VMP1: variants seen among roughly 807,000 people sequenced by gnomAD.
VMP1 encodes the protein vacuole membrane protein 1.
VMP1 carries 11 observed loss-of-function variants against 56.0 expected under a neutral mutation model. The observed-to-expected ratio is 0.20, with a 90% confidence interval of 0.12 to 0.32. VMP1 has a LOEUF of 0.32. Ranked by LOEUF, VMP1 falls within the 10% of genes least tolerant of loss-of-function variation. The pLI, the probability that VMP1 is intolerant of heterozygous loss-of-function variation, is 1.00. For synonymous variants in VMP1, 149 were observed against 165.0 expected (o/e 0.90, Z 0.74); for missense variants, 296 against 490.3 (o/e 0.60, Z 3.74).
intron 1 of VMP1, among the ~76,000 whole-genome samples, chr17:59,710,806 C>T (rs1047724070): frequency 4.6e-5 from 7 of 152,106 alleles, no homozygotes; most frequent in African/African-American, 1.4e-4. Context: ...CGCCGTGGCT[C>T]ACGCCTGTAA....
At chr17:59,789,996 T>C (rs373601272) in intron 7 of VMP1, among the ~76,000 whole-genome samples, 1 of 151,776 alleles carries the variant, frequency 6.6e-6, no homozygotes, top group African/African-American at 2.4e-5. Flanking sequence ...CACGCCACCA[T>C]GCCCGGCTGT....
At position 59,735,326 on chromosome 17, in the gene VMP1, A is replaced by G; in HGVS notation, c.77-12A>G. 3 of 1,613,458 alleles carry G rather than the reference A, an allele frequency of 1.9e-6. No individual in the cohort carries two copies. Among genetic ancestry groups the G allele is most frequent in the Non-Finnish European group, 2.5e-6 (3 of 1,179,742 alleles). ...GAAATTCTGTTTTAATCTCTGCACT[A>G]TTGTTTTTCAGACCCCTCTTCAGTG... is the stretch of plus-strand genomic sequence containing the variant. On this transcript the variant is annotated splice_polypyrimidine_tract_variant and intron_variant, in intron 2 of 11. Coordinates refer to ENST00000262291, the MANE Select transcript of VMP1 (RefSeq NM_030938.5).
chr17:59,794,979 A>C (rs1256927001), intron 7 of VMP1, among the ~76,000 whole-genome samples: 1 of 149,626 alleles, frequency 6.7e-6, no homozygotes, highest in Admixed American at 6.9e-5. Context: ...CGTTGGCACT[A>C]AAAGGCAGAT....
chr17:59,801,350 A>G (rs1233887764), intron 7 of VMP1, among the ~76,000 whole-genome samples: 1 of 150,934 alleles, frequency 6.6e-6, no homozygotes, highest in Admixed American at 6.6e-5. Flanking sequence ...GGCTCTGGCA[A>G]TCCTCCTGCC....
In VMP1 at chr17:59,765,122, T is replaced by C. The variant is rs776959881; in HGVS notation, c.566T>C (p.Ile189Thr). 16 of 1,612,640 alleles carry C rather than the reference T, an allele frequency of 9.9e-6. No individual in the cohort carries two copies. In the East Asian group the frequency reaches 3.1e-4, roughly 31 times the overall value. The change falls in exon 6 of 12, where the codon ATT becomes ACT. Residue 189 changes from isoleucine (I) to threonine (T), a missense_variant. Ile to Thr is a moderately conservative substitution (Grantham distance 89). Transcript: ENST00000262291. ...SLWSIISKVR[I>T]EACMWGIGTA... ...TGGAGTATCATCTCAAAAGTTAGGA[T>C]TGAAGCCTGCATGTGGGTAAGATAT...
chr17:59,824,955 G>A (rs910938850), intron 10 of VMP1, among the ~76,000 whole-genome samples: 4 of 151,866 alleles, frequency 2.6e-5, no homozygotes, highest in African/African-American at 9.7e-5. Flanking sequence ...GAGGCAGATG[G>A]ATTGGTTGAA....
chr17:59,723,940 TA>T (rs1375997668), intron 1 of VMP1, among the ~76,000 whole-genome samples: 2 of 152,096 alleles, frequency 1.3e-5, no homozygotes, highest in Non-Finnish European at 2.9e-5. Flanking sequence ...CAGGGCTGGA[TA>T]TGGTTCATGC....
At chr17:59,766,543 T>G (rs1191360291) in intron 6 of VMP1, among the ~76,000 whole-genome samples, 1 of 152,198 alleles carries the variant, frequency 6.6e-6, no homozygotes, top group Non-Finnish European at 1.5e-5. Flanking sequence ...AGAACTCATT[T>G]CATTTTCTGA....
At chr17:59,739,841 C>T (rs1419549967) in intron 5 of VMP1, among the ~76,000 whole-genome samples, 8 of 150,732 alleles carry the variant, frequency 5.3e-5, no homozygotes, top group African/African-American at 1.7e-4. Flanking sequence ...TTTGGGAGGC[C>T]GAGGCAGGCG....
chr17:59,789,182 C>T (rs1330395119), intron 7 of VMP1, among the ~76,000 whole-genome samples: 1 of 149,030 alleles, frequency 6.7e-6, no homozygotes, highest in Admixed American at 6.7e-5. Context: ...CCCAGCTACT[C>T]TGGAGGCTGA....
intron 10 of VMP1, among the ~76,000 whole-genome samples, chr17:59,821,539 CTTTTTT>C (rs530907168): frequency 0.48 from 50,411 of 104,524 alleles, 10,107 homozygotes; most frequent in Non-Finnish European, 0.57. Flanking sequence ...AGCTACTTTT[CTTTTTT>C]TTTTTTTTTT....
At chr17:59,837,624 A>G (rs1424338415) in intron 10 of VMP1, 1 of 152,234 alleles carries the variant, frequency 6.6e-6, no homozygotes, top group Non-Finnish European at 1.5e-5. Flanking sequence ...AAACCATGAA[A>G]GGATTCAAAG....
chr17:59,788,637 T>TC (rs1328182922), intron 7 of VMP1, among the ~76,000 whole-genome samples: 1 of 151,926 alleles, frequency 6.6e-6, no homozygotes, highest in African/African-American at 2.4e-5. Context: ...AAACCCCGTC[T>TC]CTACTAAAAC....
At chr17:59,802,815 C>T (rs574834000) in intron 7 of VMP1, among the ~76,000 whole-genome samples, 279 of 152,342 alleles carry the variant, frequency 1.8e-3, no homozygotes, top group Admixed American at 2.5e-3. Context: ...GGCACGATCT[C>T]GGCTCACCAC....
intron 7 of VMP1, among the ~76,000 whole-genome samples, chr17:59,780,099 C>T (rs1304296252): frequency 1.3e-5 from 2 of 152,062 alleles, no homozygotes; most frequent in Non-Finnish European, 2.9e-5. Context: ...TTCTTTGAGT[C>T]GTGGAAACCA....
rs530651518 is a variant in VMP1, at chr17:59,719,575, T to G, written c.-27+11827T>G. ...ATCAATGGTTTTGTTACTCTCACTT[T>G]CTTTTCCTTTTCTACCTTGTTAACT... On this transcript the variant is annotated intron_variant, in intron 1 of 11. Coordinates refer to ENST00000262291, the MANE Select transcript of VMP1 (RefSeq NM_030938.5). Among the ~76,000 whole-genome samples the G allele has an allele frequency of 5.3e-5, 8 of 152,304 alleles. No individual in the cohort carries two copies. The East Asian group carries it at 1.5e-3, about 29-fold the overall frequency.
intron 10 of VMP1, among the ~76,000 whole-genome samples, chr17:59,818,660 C>T (rs1172968643): frequency 1.3e-5 from 2 of 151,846 alleles, no homozygotes; most frequent in South Asian, 2.1e-4. Context: ...ATCCCAGCTA[C>T]GAGGGAGGCG....
At chr17:59,708,532 C>T (rs183992942) in intron 1 of VMP1, among the ~76,000 whole-genome samples, 7 of 152,290 alleles carry the variant, frequency 4.6e-5, no homozygotes, top group Non-Finnish European at 7.3e-5. Flanking sequence ...TAATAATACA[C>T]GTAGACTGGC....
chr17:59,809,063 G>A (rs751585292), intron 8 of VMP1, among the ~76,000 whole-genome samples, 187 bp downstream of exon 8: 64 of 149,498 alleles, frequency 4.3e-4, no homozygotes, highest in South Asian at 3.2e-3. Flanking sequence ...GCAGTGGCAT[G>A]ATCTCGGCTC....
Sources: gnomAD v4.1 joint callset for allele counts (sites outside exome capture counted in the v4.1 genomes callset) on GRCh38, gnomAD v4.1.1 for gene constraint, MANE v1.5 for transcripts, NCBI Gene and HGNC (gene_info 2026-07-23, HGNC 2026-07-21) for gene names.